The following TBCK variants were observed in gnomAD, a reference collection of about 807,000 sequenced individuals.
TBCK encodes the protein TBC1 domain containing kinase.
In TBCK, 99 loss-of-function variants were observed where a neutral mutation model predicts 113.4. The ratio of observed to expected loss-of-function variants is 0.87; its 90% CI spans 0.74 to 1.03. TBCK has a LOEUF of 1.03. Among genes scored for constraint, TBCK ranks in the 50% least tolerant of loss-of-function variants. The probability of loss-of-function intolerance (pLI) is 0.00; values close to 1 mark genes in which losing one functional copy is unlikely to be tolerated. For synonymous variants in TBCK, 369 were observed against 370.8 expected (o/e 1.00, Z 0.05); for missense variants, 1,045 against 1,061.3 (o/e 0.98, Z 0.21).
chr4:106,062,237 A>G (rs1206706796), intron 25 of TBCK, among the ~76,000 whole-genome samples: 1 of 151,874 alleles, frequency 6.6e-6, no homozygotes, highest in Non-Finnish European at 1.5e-5. Context: ...TTTTTTGAAA[A>G]GCAAACTATG....
chr4:106,305,279 T>C (rs1051755387), intron 2 of TBCK, among the ~76,000 whole-genome samples: 2 of 150,502 alleles, frequency 1.3e-5, no homozygotes, highest in Non-Finnish European at 3.0e-5. Context: ...GAGACATAAA[T>C]GTCTTTTTAA....
At chr4:106,054,068 T>C (rs1735118701) in intron 25 of TBCK, among the ~76,000 whole-genome samples, 1 of 151,736 alleles carries the variant, frequency 6.6e-6, no homozygotes, top group Non-Finnish European at 1.5e-5. Flanking sequence ...GTGATCCTTT[T>C]AAAATATAAG....
At chr4:106,192,591 G>A (rs1021822173) in intron 22 of TBCK, among the ~76,000 whole-genome samples, 1 of 151,910 alleles carries the variant, frequency 6.6e-6, no homozygotes, top group Non-Finnish European at 1.5e-5. Context: ...AGGGAAGGGG[G>A]AATAAAAAGT....
intron 20 of TBCK, among the ~76,000 whole-genome samples, chr4:106,207,319 G>T (rs1477273513): frequency 6.6e-6 from 1 of 152,180 alleles, no homozygotes; most frequent in Non-Finnish European, 1.5e-5. Flanking sequence ...TACTGCAATG[G>T]AAGCCTGAAT....
intron 2 of TBCK, among the ~76,000 whole-genome samples, chr4:106,307,942 A>G (rs1329309053): frequency 5.3e-5 from 8 of 152,132 alleles, no homozygotes; most frequent in African/African-American, 1.9e-4. Flanking sequence ...GGGCTGCTAT[A>G]TAAAAAGACT....
chr4:106,111,444 G>T (rs1231295399), intron 24 of TBCK, among the ~76,000 whole-genome samples: 2 of 152,158 alleles, frequency 1.3e-5, no homozygotes, highest in African/African-American at 4.8e-5. Flanking sequence ...ACGGGACAGA[G>T]AAAAATTTGC....
At chr4:106,051,425 T>C (rs1036822722) in intron 25 of TBCK, among the ~76,000 whole-genome samples, 7 of 151,868 alleles carry the variant, frequency 4.6e-5, no homozygotes, top group Admixed American at 6.6e-5. Flanking sequence ...TATCTGGCCA[T>C]TCCTTTCCCT....
intron 19 of TBCK, among the ~76,000 whole-genome samples, chr4:106,216,479 TAAAGAAAAAAAGAGAGAAGAATCA>T (rs1756938525): frequency 6.6e-6 from 1 of 151,120 alleles, no homozygotes; most frequent in Admixed American, 6.6e-5. Flanking sequence ...GCAAGAATAA[TAAAGAAAAAAAGAGAGAAGAATCA>T]AATAGACGCA....
intron 24 of TBCK, among the ~76,000 whole-genome samples, chr4:106,102,686 T>C (rs1741693108): frequency 6.6e-6 from 1 of 152,132 alleles, no homozygotes; most frequent in African/African-American, 2.4e-5. Flanking sequence ...ATGTAAGAAC[T>C]GTGTTAGGCA....
chr4:106,047,484 GCCT>G (rs1463509253), intron 25 of TBCK, among the ~76,000 whole-genome samples: 1 of 152,010 alleles, frequency 6.6e-6, no homozygotes, highest in Non-Finnish European at 1.5e-5. Context: ...CCTCTTTAGC[GCCT>G]CCTCAATAGT....
chr4:106,265,530 CAA>C (rs931774836), intron 3 of TBCK, among the ~76,000 whole-genome samples: 12 of 129,200 alleles, frequency 9.3e-5, no homozygotes, highest in African/African-American at 3.6e-4. Context: ...TCCAGAGATC[CAA>C]AGAGAGAGAG....
chr4:106,272,875 G>A (rs1448686867), intron 3 of TBCK, among the ~76,000 whole-genome samples: 2 of 152,080 alleles, frequency 1.3e-5, no homozygotes, highest in South Asian at 2.1e-4. Flanking sequence ...AACCAATCGC[G>A]TGGGTAAGTA....
intron 3 of TBCK, among the ~76,000 whole-genome samples, chr4:106,281,116 T>C (rs950801762): frequency 3.3e-5 from 5 of 152,118 alleles, no homozygotes. Flanking sequence ...ATAGTTTTCA[T>C]TGTAGAGATC....
intron 3 of TBCK, among the ~76,000 whole-genome samples, chr4:106,268,863 T>C (rs1489988323): frequency 4.6e-5 from 7 of 152,102 alleles, no homozygotes; most frequent in African/African-American, 1.7e-4. Flanking sequence ...AGGTCAAGGT[T>C]GCTGAGATAG....
chr4:106,051,529 T>G (rs970385356), intron 25 of TBCK, among the ~76,000 whole-genome samples: 3 of 151,876 alleles, frequency 2.0e-5, no homozygotes, highest in Admixed American at 1.3e-4. Flanking sequence ...AATAAGCAGC[T>G]GTAGTAATTT....
intron 22 of TBCK, among the ~76,000 whole-genome samples, chr4:106,184,567 G>A (rs1335993608): frequency 2.0e-5 from 3 of 151,874 alleles, no homozygotes; most frequent in Non-Finnish European, 2.9e-5. Context: ...AATAAGACTA[G>A]TCGTATACAT....
chr4:106,171,481 A>G (rs1560757247), intron 22 of TBCK, among the ~76,000 whole-genome samples: 1 of 152,152 alleles, frequency 6.6e-6, no homozygotes, highest in Non-Finnish European at 1.5e-5. Context: ...GCTTATATAT[A>G]TTTGTAAATG....
intron 3 of TBCK, among the ~76,000 whole-genome samples, chr4:106,279,755 A>T (rs1387556228): frequency 6.6e-6 from 1 of 152,166 alleles, no homozygotes; most frequent in East Asian, 1.9e-4. Flanking sequence ...GTTGCAAATG[A>T]CAGGCTCTAA....
intron 2 of TBCK, among the ~76,000 whole-genome samples, chr4:106,298,446 G>GA (rs373114827): frequency 0.01 from 1,434 of 139,040 alleles, 12 homozygotes; most frequent in Middle Eastern, 0.064. Context: ...CTAAAAATAT[G>GA]AAAAAAAAAA....
Sources: allele counts gnomAD v4.1 joint callset (sites outside exome capture counted in the v4.1 genomes callset), GRCh38; gene constraint gnomAD v4.1.1; transcripts MANE v1.5; gene names NCBI Gene and HGNC (gene_info 2026-07-23, HGNC 2026-07-21).